The following IKZF2 variants were observed in gnomAD, a reference collection of about 807,000 sequenced individuals.
IKZF2 encodes zinc finger protein Helios.
IKZF2 carries 15 observed loss-of-function variants against 49.2 expected under a neutral mutation model. That is an observed-to-expected ratio of 0.30 (90% confidence interval 0.20 to 0.47). The LOEUF is 0.47. Ranked by LOEUF, IKZF2 falls within the 20% of genes least tolerant of loss-of-function variation. The probability of loss-of-function intolerance (pLI) is 1.00; values close to 1 mark genes in which losing one functional copy is unlikely to be tolerated. For synonymous variants in IKZF2, 227 were observed against 221.4 expected, an observed-to-expected ratio of 1.03 and a Z score of -0.23; for missense variants, 567 against 664.6, an observed-to-expected ratio of 0.85 and a Z score of 1.61.
chr2:213,009,088 C>G (rs1455705608), intron 8 of IKZF2, among the ~76,000 whole-genome samples: 1 of 151,896 alleles, frequency 6.6e-6, no homozygotes, highest in Non-Finnish European at 1.5e-5. Flanking sequence ...TTATATCATC[C>G]TTTCTTATTT....
At position 213,036,383 on chromosome 2, in the gene IKZF2, A is replaced by G. The variant is rs113307063; in HGVS notation, c.574+13330T>C. ...GGCCCTTAACATAATGCTTGTCACA[A>G]AATAAGAACTTATTAAATATACCCA... On this transcript the variant is annotated intron_variant, in intron 6 of 8. Transcript: ENST00000434687. Among the ~76,000 whole-genome samples, 178 of 152,330 alleles carry G rather than the reference A, an allele frequency of 1.2e-3. 2 individuals are homozygous for G. Among genetic ancestry groups the G allele is most frequent in the African/African-American group, 4.0e-3 (168 of 41,578 alleles).
At chr2:213,099,850 A>G (rs1574841477) in intron 4 of IKZF2, among the ~76,000 whole-genome samples, 1 of 152,244 alleles carries the variant, frequency 6.6e-6, no homozygotes, top group East Asian at 1.9e-4. Flanking sequence ...ATTAAATAAG[A>G]TAAAAGACAC....
rs6709554 is a variant in IKZF2, at chr2:213,147,784, C to T, written c.63G>A (p.Glu21=). Residue 21 remains glutamate, a synonymous_variant, in exon 4 of 9, where the codon GAG becomes GAA. Transcript: ENST00000434687. ...TCDNELSPER[E]HSNMAIDLTS... ...TGAGGTCAATTGCCATATTGGAGTG[C>T]TCCCTTTCGGGTGAAAGCTCATTGT... The T allele has an allele frequency of 0.32, 520,213 of 1,610,476 alleles. 91,718 individuals are homozygous for T. The highest frequency in any genetic ancestry group is 0.36 in the Non-Finnish European group (427,093 of 1,176,736).
At chr2:213,093,581 T>TA (rs1705602811) in intron 4 of IKZF2, among the ~76,000 whole-genome samples, 1 of 152,194 alleles carries the variant, frequency 6.6e-6, no homozygotes, top group African/African-American at 2.4e-5. Context: ...ATTACATACT[T>TA]ATATATGTGC....
At chr2:213,073,279 G>T (rs1044521917) in intron 4 of IKZF2, among the ~76,000 whole-genome samples, 2 of 152,150 alleles carry the variant, frequency 1.3e-5, no homozygotes, top group Non-Finnish European at 2.9e-5. Context: ...CTAGAAGTAA[G>T]ATTCCTAGGT....
intron 4 of IKZF2, among the ~76,000 whole-genome samples, chr2:213,138,079 G>C (rs2060739960): frequency 6.6e-6 from 1 of 152,062 alleles, no homozygotes; most frequent in Non-Finnish European, 1.5e-5. Context: ...AAAATATCTG[G>C]AGTGCATAAG....
chr2:213,047,997 G>A (rs1030177420), intron 6 of IKZF2, among the ~76,000 whole-genome samples: 9 of 151,980 alleles, frequency 5.9e-5, no homozygotes, highest in African/African-American at 2.2e-4. Context: ...GCAACTTAGA[G>A]GAGCAAAAAC....
intron 4 of IKZF2, among the ~76,000 whole-genome samples, chr2:213,083,566 T>G: frequency 7.0e-6 from 1 of 142,194 alleles, no homozygotes; most frequent in African/African-American, 2.6e-5. Context: ...TTTTTTTTTT[T>G]TTTTTTTGTA....
At chr2:213,150,455 C>CCCCCCT (rs139782680) in intron 1 of IKZF2, 14 of 186,218 alleles carry the variant, frequency 7.5e-5, no homozygotes, top group Non-Finnish European at 1.4e-4. Context: ...AAGAACACCC[C>CCCCCCT]CCTCCTCCTC....
At chr2:213,147,176 G>A (rs1348047382) in intron 4 of IKZF2, among the ~76,000 whole-genome samples, 6 of 152,028 alleles carry the variant, frequency 3.9e-5, no homozygotes, top group Non-Finnish European at 7.4e-5. Context: ...CTGGACAAAA[G>A]CCTTTCAACT....
chr2:213,102,503 G>C (rs750875501), intron 4 of IKZF2, among the ~76,000 whole-genome samples: 1 of 152,056 alleles, frequency 6.6e-6, no homozygotes, highest in African/African-American at 2.4e-5. Flanking sequence ...TTTTACACCT[G>C]TTCTTGGTTT....
intron 6 of IKZF2, among the ~76,000 whole-genome samples, chr2:213,045,720 T>C (rs899983441): frequency 1.3e-5 from 2 of 152,202 alleles, no homozygotes; most frequent in Admixed American, 1.3e-4. Flanking sequence ...CATGCTGAAA[T>C]AGATCCTCCA....
chr2:213,043,212 A>G (rs1699837825), intron 6 of IKZF2, among the ~76,000 whole-genome samples: 1 of 149,410 alleles, frequency 6.7e-6, no homozygotes, highest in Non-Finnish European at 1.5e-5. Flanking sequence ...ACACACCCCT[A>G]GTATTTACTT....
At chr2:213,140,491 T>C (rs1164927431) in intron 4 of IKZF2, among the ~76,000 whole-genome samples, 1 of 151,882 alleles carries the variant, frequency 6.6e-6, no homozygotes, top group East Asian at 1.9e-4. Flanking sequence ...CAACCTGTAA[T>C]AAGTATGTAA....
chr2:213,146,799 T>C (rs1388923142), intron 4 of IKZF2, among the ~76,000 whole-genome samples: 9 of 146,802 alleles, frequency 6.1e-5, no homozygotes, highest in Non-Finnish European at 1.2e-4. Flanking sequence ...CCTTCACATA[T>C]TGCCAAAACA....
intron 8 of IKZF2, among the ~76,000 whole-genome samples, chr2:213,013,225 GA>G (rs2125049850): frequency 6.6e-6 from 1 of 152,040 alleles, no homozygotes; most frequent in South Asian, 2.1e-4. Context: ...TTGAAAAAAA[GA>G]AAAATTATCT....
At position 213,016,590 on chromosome 2, in the gene IKZF2, T is replaced by C. The variant is rs1696628426; in HGVS notation, c.713-2656A>G. ...TTCTCTAGATATCTCAATAATGCAT[T>C]AATCACATAGACATTAATCTGGGCT... On this transcript the variant is annotated intron_variant, in intron 7 of 8. Coordinates refer to ENST00000434687, the MANE Select transcript of IKZF2 (RefSeq NM_001387220.1). Among the ~76,000 whole-genome samples the C allele has an allele frequency of 2.6e-5, 4 of 152,166 alleles. No individual in the cohort carries two copies. In the South Asian group the frequency reaches 8.3e-4, roughly 31 times the overall value.
chr2:213,051,261 G>T (rs978187746), intron 5 of IKZF2, among the ~76,000 whole-genome samples: 7 of 151,866 alleles, frequency 4.6e-5, no homozygotes, highest in African/African-American at 1.5e-4. Context: ...ATAAAACCTA[G>T]ATAAATTTAA....
rs140716141 is a variant in IKZF2 at position 213,056,766 on chromosome 2, T to C, written c.406+67A>G. The C allele has an allele frequency of 8.2e-6, 13 of 1,576,822 alleles. No individual in the cohort carries two copies. In the East Asian group the frequency reaches 1.3e-4, roughly 16 times the overall value. ...ACCCCTGAATAAAAAGGAAAGAGAA[T>C]AGATGTCAGGTAATATCAACATCAG... On this transcript the variant is annotated intron_variant, in intron 5 of 8. Transcript: ENST00000434687.
Sources: allele counts gnomAD v4.1 joint callset (sites outside exome capture counted in the v4.1 genomes callset), GRCh38; gene constraint gnomAD v4.1.1; transcripts MANE v1.5; gene names NCBI Gene and HGNC (gene_info 2026-07-23, HGNC 2026-07-21).